Variants in PLPP1 observed in about 807,000 individuals in gnomAD.
PLPP1 encodes the protein phospholipid phosphatase 1, also known as lipid phosphate phosphohydrolase 1a.
In PLPP1, 24 loss-of-function variants were observed where a neutral mutation model predicts 31.2. That is an observed-to-expected ratio of 0.77 (90% CI 0.56 to 1.08). PLPP1 has a LOEUF of 1.08. PLPP1 is among the 50% of genes least tolerant of loss of function. PLPP1 has a pLI of 0.00. For missense variants in PLPP1, 319 were observed against 342.7 expected (o/e 0.93, Z 0.55); for synonymous variants, 146 against 126.3 (o/e 1.16, Z -1.05).
chr5:55,497,966 G>C (rs895933008), intron 1 of PLPP1, among the ~76,000 whole-genome samples: 4 of 152,066 alleles, frequency 2.6e-5, no homozygotes, highest in African/African-American at 9.7e-5. Context: ...AGGCTCCTGA[G>C]ACTGAGGGCA....
intron 1 of PLPP1, chr5:55,530,383 G>A (rs954335653): frequency 5.4e-6 from 7 of 1,302,444 alleles, no homozygotes; most frequent in East Asian, 2.3e-5. Flanking sequence ...TCCAGTAAAC[G>A]CTCTCTGGTA....
intron 1 of PLPP1, among the ~76,000 whole-genome samples, chr5:55,522,374 T>C (rs1293452933): frequency 1.3e-5 from 2 of 152,192 alleles, no homozygotes; most frequent in African/African-American, 4.8e-5. Flanking sequence ...GTCTGAGATA[T>C]GAAATATTAA....
intron 3 of PLPP1, among the ~76,000 whole-genome samples, chr5:55,450,149 T>C (rs933667114): frequency 1.4e-4 from 21 of 152,314 alleles, no homozygotes; most frequent in African/African-American, 4.6e-4. Context: ...CCACATTACA[T>C]AGAGAGACAC....
chr5:55,486,958 A>G (rs1752787602), intron 1 of PLPP1, among the ~76,000 whole-genome samples: 1 of 152,080 alleles, frequency 6.6e-6, no homozygotes, highest in Non-Finnish European at 1.5e-5. Context: ...ATCCATGTAC[A>G]TTTCCAGTTT....
intron 2 of PLPP1, among the ~76,000 whole-genome samples, chr5:55,469,427 T>C (rs866497896): frequency 5.9e-5 from 9 of 151,584 alleles, no homozygotes; most frequent in African/African-American, 1.9e-4. Flanking sequence ...GAAGTGGTGG[T>C]TGCAGTGAGC....
At position 55,528,043 on chromosome 5, in the gene PLPP1, C is replaced by A. The variant is rs546886085; in HGVS notation, c.58+6529G>T. ...GATCTGGAAGGGCAAATGGAACACA[C>A]ACAGCACAGAAAGATATTCTAAATG... On this transcript the variant is annotated intron_variant, in intron 1 of 5. Coordinates refer to ENST00000307259, the MANE Select transcript of PLPP1 (RefSeq NM_003711.4). 1.8e-4 allele frequency among the ~76,000 whole-genome samples: 27 copies of A among 152,284 alleles called. 1 individual carries two copies. The South Asian group carries it at 5.6e-3, about 32-fold the overall frequency.
At chr5:55,444,743 T>TGTGTGTGTGTGTGTG (rs368045819) in intron 3 of PLPP1, among the ~76,000 whole-genome samples, 44,773 of 136,960 alleles carry the variant, frequency 0.33, 8,377 homozygotes, top group Middle Eastern at 0.41. Context: ...GGATTCTATT[T>TGTGTGTGTGTGTGTG]TGTGTGTGTG....
chr5:55,483,747 A>G lies in PLPP1; in HGVS notation c.59-8297T>C, dbSNP rs192804655. Among the ~76,000 whole-genome samples the G allele has an allele frequency of 2.0e-5, 3 of 151,814 alleles. No individual in the cohort carries two copies. The East Asian group carries it at 5.8e-4, about 29-fold the overall frequency. On this transcript the variant is annotated intron_variant, in intron 1 of 5. Coordinates refer to ENST00000307259, the MANE Select transcript of PLPP1 (RefSeq NM_003711.4). ...TTCCATTTCTGTATTTTTTACACTT[A>G]GAATGACTTTACAAAAATCTCCAAC...
chr5:55,493,651 G>A (rs1213183056), intron 1 of PLPP1, among the ~76,000 whole-genome samples: 2 of 152,124 alleles, frequency 1.3e-5, no homozygotes, highest in Non-Finnish European at 2.9e-5. Context: ...ACTTTGGGAA[G>A]CCGAGGCGGG....
intron 1 of PLPP1, among the ~76,000 whole-genome samples, chr5:55,490,313 G>A (rs994421797): frequency 2.0e-5 from 3 of 151,850 alleles, no homozygotes; most frequent in African/African-American, 7.3e-5. Flanking sequence ...ACCACGCCCG[G>A]CTAATTCTTT....
At chr5:55,534,493 C>G in intron 1 of PLPP1, 79 bp downstream of exon 1, 2 of 1,399,424 alleles carry the variant, frequency 1.4e-6, no homozygotes, top group Non-Finnish European at 1.9e-6. Flanking sequence ...AACACACCCC[C>G]GCTGCCCGTC....
intron 4 of PLPP1, among the ~76,000 whole-genome samples, chr5:55,441,225 C>G (rs1015550784): frequency 6.6e-6 from 1 of 152,142 alleles, no homozygotes; most frequent in Non-Finnish European, 1.5e-5. Context: ...TGCAAATCTT[C>G]GTAAGGCCTC....
chr5:55,503,799 G>A (rs942460892), intron 1 of PLPP1, among the ~76,000 whole-genome samples: 8 of 129,134 alleles, frequency 6.2e-5, no homozygotes, highest in South Asian at 3.0e-4. Context: ...AGGAAGGGGA[G>A]GAAGGGGAGG....
At chr5:55,493,778 G>A (rs565932981) in intron 1 of PLPP1, among the ~76,000 whole-genome samples, 26 of 151,992 alleles carry the variant, frequency 1.7e-4, no homozygotes, top group African/African-American at 5.6e-4. Context: ...TACTTGGAAG[G>A]CTGAGGCAGG....
intron 1 of PLPP1, among the ~76,000 whole-genome samples, chr5:55,494,858 C>T (rs537537419): frequency 6.6e-4 from 100 of 151,966 alleles, no homozygotes; most frequent in African/African-American, 2.3e-3. Flanking sequence ...CAGTGGCTCA[C>T]GCCTGCAATC....
intron 3 of PLPP1, among the ~76,000 whole-genome samples, chr5:55,445,369 G>A (rs957926384): frequency 6.6e-6 from 1 of 151,890 alleles, no homozygotes; most frequent in Non-Finnish European, 1.5e-5. Flanking sequence ...AGTATTTTGG[G>A]GCTCAGAAGG....
intron 1 of PLPP1, among the ~76,000 whole-genome samples, chr5:55,523,802 C>T (rs905311033): frequency 1.3e-5 from 2 of 152,174 alleles, no homozygotes; most frequent in African/African-American, 2.4e-5. Flanking sequence ...AGCTCCTCCA[C>T]GGCCAACTCA....
chr5:55,527,953 G>A (rs564816078), intron 1 of PLPP1, among the ~76,000 whole-genome samples: 1 of 152,302 alleles, frequency 6.6e-6, no homozygotes, highest in South Asian at 2.1e-4. Context: ...AACCAAAAAG[G>A]AAGGGCTCAG....
At chr5:55,504,034 A>C (rs548029832) in intron 1 of PLPP1, among the ~76,000 whole-genome samples, 30 of 151,784 alleles carry the variant, frequency 2.0e-4, no homozygotes, top group Admixed American at 8.5e-4. Flanking sequence ...CAGCACTTTG[A>C]GAGGTGGGTG....
Sources: allele counts gnomAD v4.1 joint callset (sites outside exome capture counted in the v4.1 genomes callset), GRCh38; gene constraint gnomAD v4.1.1; transcripts MANE v1.5; gene names NCBI Gene and HGNC (gene_info 2026-07-23, HGNC 2026-07-21).